ATAD5: variants seen among roughly 807,000 people sequenced by gnomAD.
ATAD5 encodes ATPase family AAA domain containing 5.
ATAD5 carries 58 observed loss-of-function variants against 176.9 expected under a neutral mutation model. The observed-to-expected ratio is 0.33, with a 90% CI of 0.27 to 0.41. The LOEUF is 0.41. Among genes scored for constraint, ATAD5 ranks in the 10% least tolerant of loss-of-function variants. The pLI, the probability that ATAD5 is intolerant of heterozygous loss-of-function variation, is 1.00. For synonymous variants in ATAD5, 640 were observed against 712.6 expected (o/e 0.90, Z 1.62); for missense variants, 1,789 against 2,094.1 (o/e 0.85, Z 2.84).
chr17:30,833,141 G>T (rs1036077205), intron 1 of ATAD5, among the ~76,000 whole-genome samples: 2 of 151,878 alleles, frequency 1.3e-5, no homozygotes, highest in African/African-American at 4.8e-5. Context: ...GCGACCAGTT[G>T]TTTTTTTCAG....
At chr17:30,843,715 A>G (rs1597956789) in intron 4 of ATAD5, among the ~76,000 whole-genome samples, 198 bp from the exon 5 acceptor site, 1 of 150,866 alleles carries the variant, frequency 6.6e-6, no homozygotes, top group Admixed American at 6.6e-5. Flanking sequence ...CCCTGATATC[A>G]TATAAACTTG....
At position 30,883,519 on chromosome 17, in the gene ATAD5, A is replaced by G. The variant is rs1284810798; in HGVS notation, c.4078-3673A>G. 2.0e-5 allele frequency among the ~76,000 whole-genome samples: 3 copies of G among 152,062 alleles called. No individual in the cohort carries two copies. In the East Asian group the frequency reaches 5.8e-4, roughly 29 times the overall value. ...GTTACATTTTGCAATATTTGGATAT[A>G]TTGTTGTAAAAGAAATGTAGTAAAA... On this transcript the variant is annotated intron_variant, in intron 18 of 22. Coordinates refer to ENST00000321990, the MANE Select transcript of ATAD5 (RefSeq NM_024857.5).
At position 30,835,622 on chromosome 17, in the gene ATAD5, A is replaced by G. The variant is rs1418199267; in HGVS notation, c.1541A>G (p.Tyr514Cys). ...ETTFFLKEKQ[Y>C]QNRMSLRQRK... Reference sequence around the variant, plus strand: ...ACCTTTTTCTTAAAAGAGAAACAATATCAAAATAGAATGAGTTTAAGACAA... The same window carrying G: ...ACCTTTTTCTTAAAAGAGAAACAATGTCAAAATAGAATGAGTTTAAGACAA... Residue 514 changes from tyrosine to cysteine, a missense_variant, in exon 2 of 23, where the codon TAT becomes TGT. By Grantham distance (194) the Tyr-to-Cys change is radical. Around this residue, in one of 6 missense-constraint regions of ATAD5, gnomAD observed 696 missense variants for 712.5 expected, o/e 0.98. Transcript: ENST00000321990. The G allele has an allele frequency of 8.1e-6, 13 of 1,609,532 alleles. No homozygotes were observed. In the South Asian group the frequency reaches 1.5e-4, roughly 18 times the overall value.
intron 15 of ATAD5, 94 bp from the exon 16 acceptor site, chr17:30,877,322 A>T: frequency 2.2e-6 from 2 of 912,020 alleles, no homozygotes; most frequent in Non-Finnish European, 3.3e-6. Context: ...TTCAGTTTTG[A>T]TAATGGATTT....
At chr17:30,849,814 A>G (rs1906760658) in intron 6 of ATAD5, among the ~76,000 whole-genome samples, 1 of 152,232 alleles carries the variant, frequency 6.6e-6, no homozygotes, top group South Asian at 2.1e-4. Flanking sequence ...GACACAAAGA[A>G]CCTAGAATAG....
intron 17 of ATAD5, 82 bp from the exon 18 acceptor site, chr17:30,879,341 T>C (rs1908873102): frequency 6.7e-7 from 1 of 1,501,796 alleles, no homozygotes; most frequent in Non-Finnish European, 9.1e-7. Flanking sequence ...AATATTTTCA[T>C]AGAAAAGTAT....
chr17:30,854,436 A>G (rs544828705), intron 6 of ATAD5, among the ~76,000 whole-genome samples: 5 of 132,956 alleles, frequency 3.8e-5, no homozygotes, highest in African/African-American at 1.4e-4. Flanking sequence ...AAGTGGCATG[A>G]TCTCGGCTCC....
In ATAD5 at chr17:30,835,153, C is replaced by T. The variant is rs370879645; in HGVS notation, c.1072C>T (p.Pro358Ser). 22 of 1,613,874 alleles carry T rather than the reference C, an allele frequency of 1.4e-5. No homozygotes were observed. The African/African-American group carries it at 2.7e-4, about 20-fold the overall frequency. ...QFEMENSLSDPENEQTVQKRK... is the reference protein window; with the variant it reads ...QFEMENSLSDSENEQTVQKRK... ...TGAAATGGAAAATAGTTTATCTGAT[C>T]CTGAGAATGAACAGACAGTTCAGAA... Residue 358 changes from proline to serine, a missense_variant, in exon 2 of 23, where the codon CCT becomes TCT. By Grantham distance (74) the Pro-to-Ser change is moderately conservative (BLOSUM62 -1). This residue lies in a region of ATAD5 where 696 missense variants were observed against 712.5 expected (regional missense o/e 0.98). Coordinates refer to ENST00000321990, the MANE Select transcript of ATAD5 (RefSeq NM_024857.5).
At position 30,893,919 on chromosome 17, in the gene ATAD5, G is replaced by C; in HGVS notation, c.5066G>C (p.Cys1689Ser). The C allele has an allele frequency of 6.2e-7, 1 of 1,614,094 alleles. No individual in the cohort carries two copies. ...WTNGKVTSGL[C>S]DEFSLESNDG... ...AATGGAAAGGTTACAAGTGGACTTT[G>C]TGATGAGTTTAGTCTTGAGAGTAAT... The change falls in exon 21 of 23, where the codon TGT becomes TCT. Residue 1689 changes from cysteine to serine, a missense_variant. By Grantham distance (112) the Cys-to-Ser change is moderately radical. Around this residue, in one of 6 missense-constraint regions of ATAD5, gnomAD observed 403 missense variants for 495.1 expected, o/e 0.81. Transcript: ENST00000321990.
chr17:30,867,842 C>G (rs1249690006), intron 11 of ATAD5, among the ~76,000 whole-genome samples: 1 of 152,184 alleles, frequency 6.6e-6, no homozygotes, highest in Non-Finnish European at 1.5e-5. Context: ...TGGGCTGAAG[C>G]AATTCACCTG....
At chr17:30,857,675 T>C (rs1381492580) in intron 8 of ATAD5, among the ~76,000 whole-genome samples, 3 of 152,072 alleles carry the variant, frequency 2.0e-5, no homozygotes, top group Non-Finnish European at 4.4e-5. Flanking sequence ...ATCTAATAGA[T>C]ATAATTAGTT....
At position 30,850,997 on chromosome 17, in the gene ATAD5, G is replaced by A. The variant is rs181670764; in HGVS notation, c.2451-4146G>A. On this transcript the variant is annotated intron_variant, in intron 6 of 22. Transcript: ENST00000321990. ...CCTCCCAGGCTCAAGCAATTCTCCT[G>A]CCTCAGCATCCCGAGTAGCTGGGAT... Among the ~76,000 whole-genome samples, 342 of 137,936 alleles carry A rather than the reference G, an allele frequency of 2.5e-3. 2 individuals are homozygous for A. Among genetic ancestry groups the A allele is most frequent in the African/African-American group, 8.8e-3 (331 of 37,676 alleles). 90.5% of individuals were successfully genotyped at this position (137,936 alleles called of 152,430 possible).
chr17:30,888,477 G>A (rs924746326), intron 19 of ATAD5, among the ~76,000 whole-genome samples: 1 of 152,070 alleles, frequency 6.6e-6, no homozygotes, highest in African/African-American at 2.4e-5. Flanking sequence ...CTGGGAGATC[G>A]AGGCTGCAGT....
In ATAD5 at chr17:30,839,175, C is replaced by T. The variant is rs56262272; in HGVS notation, c.2077-1442C>T. 5.8e-3 allele frequency among the ~76,000 whole-genome samples: 880 copies of T among 152,216 alleles called. 8 individuals carry two copies. The highest frequency in any genetic ancestry group is 0.02 in the African/African-American group (831 of 41,540). ...TATGAGAATAAGGAGTAAACTGGTT[C>T]CCCTAAGAGCCCCATATTCATAACA... is the stretch of plus-strand genomic sequence containing the variant. On this transcript the variant is annotated intron_variant, in intron 3 of 22. Coordinates refer to ENST00000321990, the MANE Select transcript of ATAD5 (RefSeq NM_024857.5).
intron 18 of ATAD5, 21 bp downstream of exon 18, chr17:30,879,508 G>A: frequency 6.4e-7 from 1 of 1,573,972 alleles, no homozygotes. Context: ...AATTTTGATA[G>A]CCACAAATTA....
At chr17:30,844,409 G>A (rs912533885) in intron 5 of ATAD5, among the ~76,000 whole-genome samples, 2 of 152,088 alleles carry the variant, frequency 1.3e-5, no homozygotes, top group Non-Finnish European at 2.9e-5. Flanking sequence ...GGGATTACAG[G>A]CATGAGCCAC....
intron 19 of ATAD5, 43 bp from the exon 20 acceptor site, chr17:30,892,564 G>A (rs1909694960): frequency 7.4e-7 from 1 of 1,359,798 alleles, no homozygotes; most frequent in Admixed American, 2.6e-5. Context: ...GATACAATTT[G>A]TTTAATACAT....
intron 6 of ATAD5, among the ~76,000 whole-genome samples, chr17:30,849,326 G>A (rs1052339742): frequency 3.3e-5 from 5 of 151,954 alleles, no homozygotes; most frequent in African/African-American, 9.7e-5. Context: ...TGAACTCCTG[G>A]GCTCAAGCAA....
At chr17:30,859,390 T>C (rs574731142) in intron 9 of ATAD5, among the ~76,000 whole-genome samples, 35 of 152,274 alleles carry the variant, frequency 2.3e-4, no homozygotes, top group African/African-American at 8.4e-4. Context: ...GACAGAGTCT[T>C]GCTCTGACAC....
Sources: allele counts gnomAD v4.1 joint callset (sites outside exome capture counted in the v4.1 genomes callset), GRCh38; gene constraint gnomAD v4.1.1; regional missense constraint gnomAD v4.1.1; transcripts MANE v1.5; gene names NCBI Gene and HGNC (gene_info 2026-07-23, HGNC 2026-07-21).